Variants in PRKG1 observed in about 807,000 individuals in gnomAD.
The protein encoded by PRKG1 is cGMP-dependent protein kinase 1.
PRKG1 carries 35 observed loss-of-function variants against 88.1 expected under a neutral mutation model. The ratio of observed to expected loss-of-function variants is 0.40; its 90% CI spans 0.30 to 0.53. The LOEUF (loss-of-function observed/expected upper bound fraction) is 0.53. PRKG1 is among the 20% of genes least tolerant of loss of function. The probability of loss-of-function intolerance (pLI) is 0.59; values close to 1 mark genes in which losing one functional copy is unlikely to be tolerated. For missense variants in PRKG1, 540 were observed against 839.8 expected, an observed-to-expected ratio of 0.64 and a Z score of 4.41; for synonymous variants, 303 against 292.5, an observed-to-expected ratio of 1.04 and a Z score of -0.37.
At chr10:51,128,094 T>G (rs1478104551) in intron 1 of PRKG1, among the ~76,000 whole-genome samples, 10 of 152,250 alleles carry the variant, frequency 6.6e-5, no homozygotes, top group Middle Eastern at 6.8e-3. Flanking sequence ...CCTCCATGTT[T>G]GGGGCATGTA....
intron 5 of PRKG1, among the ~76,000 whole-genome samples, chr10:51,944,049 C>T (rs1342751794): frequency 6.6e-6 from 1 of 151,930 alleles, no homozygotes; most frequent in African/African-American, 2.4e-5. Flanking sequence ...CTCCTTGTAC[C>T]TCTGGTAGAA....
At position 51,217,048 on chromosome 10, in the gene PRKG1, A is replaced by G. The variant is rs143602569; in HGVS notation, c.478+63718A>G. Among the ~76,000 whole-genome samples, 18 of 152,274 alleles carry G rather than the reference A, an allele frequency of 1.2e-4. No homozygotes were observed. The East Asian group carries it at 2.1e-3, about 18-fold the overall frequency. On this transcript the variant is annotated intron_variant, in intron 2 of 17. Coordinates refer to ENST00000373980, the MANE Select transcript of PRKG1 (RefSeq NM_006258.4). ...AAATGATCTCCTGTGCAGATAGTCA[A>G]ATTGAAAAGCTCATGGGTGATAGTT...
chr10:51,852,896 T>C (rs189980422), intron 4 of PRKG1, among the ~76,000 whole-genome samples: 109 of 152,338 alleles, frequency 7.2e-4, no homozygotes, highest in Middle Eastern at 3.4e-3. Context: ...GATGAGTTTT[T>C]ATAAAATAGT....
chr10:52,136,720 G>A (rs1837433153), intron 8 of PRKG1, among the ~76,000 whole-genome samples: 1 of 152,038 alleles, frequency 6.6e-6, no homozygotes, highest in South Asian at 2.1e-4. Flanking sequence ...TCCATGCACA[G>A]CACAATACAT....
At chr10:51,428,668 G>A (rs1326546111) in intron 2 of PRKG1, among the ~76,000 whole-genome samples, 1 of 152,076 alleles carries the variant, frequency 6.6e-6, no homozygotes. Context: ...CTTCACTGTG[G>A]TAAGTCTACC....
At chr10:51,130,496 A>G (rs1285530506) in intron 1 of PRKG1, among the ~76,000 whole-genome samples, 1 of 152,196 alleles carries the variant, frequency 6.6e-6, no homozygotes, top group Non-Finnish European at 1.5e-5. Flanking sequence ...CAAACTATTT[A>G]TAGTTCCCTG....
intron 1 of PRKG1, among the ~76,000 whole-genome samples, chr10:50,993,165 C>G (rs1334205728): frequency 6.6e-6 from 1 of 152,098 alleles, no homozygotes; most frequent in Admixed American, 6.5e-5. Context: ...GGCTGAGCAG[C>G]GGTTCAGAGT....
chr10:51,224,785 T>C (rs1291270291), intron 2 of PRKG1, among the ~76,000 whole-genome samples: 1 of 152,228 alleles, frequency 6.6e-6, no homozygotes, highest in East Asian at 1.9e-4. Flanking sequence ...TATTTCATCA[T>C]CATGTTTATT....
At chr10:51,446,233 C>T (rs183418228) in intron 2 of PRKG1, among the ~76,000 whole-genome samples, 1 of 152,014 alleles carries the variant, frequency 6.6e-6, no homozygotes, top group East Asian at 1.9e-4. Flanking sequence ...ACCTTACCAC[C>T]CAAAGCTTTT....
At chr10:51,823,303 C>T (rs574076273) in intron 4 of PRKG1, among the ~76,000 whole-genome samples, 6 of 152,036 alleles carry the variant, frequency 3.9e-5, no homozygotes, top group Non-Finnish European at 8.8e-5. Flanking sequence ...TGGATAGATC[C>T]ATGCTTTTGG....
intron 1 of PRKG1, among the ~76,000 whole-genome samples, chr10:51,034,187 C>A (rs1843322622): frequency 6.6e-6 from 1 of 152,150 alleles, no homozygotes; most frequent in Non-Finnish European, 1.5e-5. Flanking sequence ...TTAAGACTCA[C>A]AATGTATTTC....
Position 51,680,396 on chromosome 10 carries a change from C to G in PRKG1, c.593-124189C>G, listed in dbSNP as rs184031624. The stretch of plus-strand genomic sequence containing the variant: ...GGGGTGCTTTCTTGCTTTAATAAAT[C>G]CTTGCTTTCGCTTCTTTGTTCCTGG... On this transcript the variant is annotated intron_variant, in intron 3 of 17. Coordinates refer to ENST00000373980, the MANE Select transcript of PRKG1 (RefSeq NM_006258.4). 6.4e-4 allele frequency among the ~76,000 whole-genome samples: 97 copies of G among 152,166 alleles called. 1 individual carries two copies. Among genetic ancestry groups the G allele is most frequent in the Non-Finnish European group, 9.9e-4 (67 of 68,012 alleles).
chr10:51,427,546 C>A (rs1838626067), intron 2 of PRKG1, among the ~76,000 whole-genome samples: 1 of 152,190 alleles, frequency 6.6e-6, no homozygotes, highest in South Asian at 2.1e-4. Context: ...TACCATATAA[C>A]CCTGTGGCTC....
At chr10:51,651,864 G>A (rs1049821576) in intron 3 of PRKG1, among the ~76,000 whole-genome samples, 6 of 152,134 alleles carry the variant, frequency 3.9e-5, no homozygotes, top group African/African-American at 1.2e-4. Context: ...TTACAGGTAT[G>A]AGCCACCGTG....
chr10:51,616,950 G>A (rs896887771), intron 3 of PRKG1, among the ~76,000 whole-genome samples: 5 of 152,154 alleles, frequency 3.3e-5, no homozygotes, highest in African/African-American at 1.2e-4. Flanking sequence ...ACACCACTGG[G>A]ACCCAGGACA....
intron 2 of PRKG1, among the ~76,000 whole-genome samples, chr10:51,242,359 A>C (rs1364896539): frequency 6.6e-6 from 1 of 152,212 alleles, no homozygotes; most frequent in Non-Finnish European, 1.5e-5. Flanking sequence ...TCTTCCCCCA[A>C]CACATAACAG....
chr10:52,022,438 A>G (rs1179501572), intron 5 of PRKG1, among the ~76,000 whole-genome samples: 3 of 152,206 alleles, frequency 2.0e-5, no homozygotes, highest in Non-Finnish European at 4.4e-5. Flanking sequence ...CTAATTTCTG[A>G]TGAAATTTAT....
intron 9 of PRKG1, among the ~76,000 whole-genome samples, chr10:52,192,708 T>C (rs1839397097): frequency 6.6e-6 from 1 of 152,014 alleles, no homozygotes; most frequent in Non-Finnish European, 1.5e-5. Flanking sequence ...TCCACAGAAT[T>C]GGTAACTTTC....
At chr10:52,176,636 T>G (rs1838876000) in intron 9 of PRKG1, among the ~76,000 whole-genome samples, 1 of 152,172 alleles carries the variant, frequency 6.6e-6, no homozygotes. Flanking sequence ...ACAGTATTAA[T>G]TCTGATCCAT....
Sources: gnomAD v4.1 joint callset for allele counts (sites outside exome capture counted in the v4.1 genomes callset) on GRCh38, gnomAD v4.1.1 for gene constraint, MANE v1.5 for transcripts, NCBI Gene and HGNC (gene_info 2026-07-23, HGNC 2026-07-21) for gene names.